The following AFF2 variants were observed in gnomAD, a reference collection of about 807,000 sequenced individuals.
AFF2 encodes ALF transcription elongation factor 2.
A neutral mutation model predicts 76.9 loss-of-function variants in AFF2; 14 were observed. The ratio of observed to expected loss-of-function variants is 0.18; its 90% CI spans 0.12 to 0.28. The LOEUF (loss-of-function observed/expected upper bound fraction) is 0.28, where lower values mean the gene tolerates loss of function less well. AFF2 is among the 10% of genes least tolerant of loss of function. The pLI, the probability that AFF2 is intolerant of heterozygous loss-of-function variation, is 1.00. For synonymous variants in AFF2, 398 were observed against 366.7 expected (o/e 1.09, Z -0.98); for missense variants, 868 against 1,001.1 (o/e 0.87, Z 1.79).
intron 15 of AFF2, 39 bp downstream of exon 15, chrX:148,967,731 G>A (rs781877327): frequency 7.8e-6 from 9 of 1,150,677 alleles, no homozygotes; most frequent in Non-Finnish European, 1.1e-5. Flanking sequence ...TCCTATTAAG[G>A]ATTTATGTTT....
chrX:148,937,335 A>G (rs781812313), intron 9 of AFF2, among the ~76,000 whole-genome samples: 1 of 112,186 alleles, frequency 8.9e-6, no homozygotes, highest in East Asian at 2.8e-4. Context: ...AGAAGAGTTG[A>G]TTCATTTTTC....
intron 8 of AFF2, among the ~76,000 whole-genome samples, chrX:148,891,085 GC>G (rs781905263): frequency 2.7e-5 from 3 of 111,681 alleles, no homozygotes; most frequent in Non-Finnish European, 5.6e-5. Context: ...ATAAAATCCA[GC>G]CCTGGCCTTC....
At chrX:148,763,512 A>G (rs1557267472) in intron 3 of AFF2, among the ~76,000 whole-genome samples, 1 of 109,925 alleles carries the variant, frequency 9.1e-6, no homozygotes, top group Non-Finnish European at 1.9e-5. Flanking sequence ...TGGCATGGTG[A>G]CTCTAGTTAT....
intron 3 of AFF2, among the ~76,000 whole-genome samples, chrX:148,673,706 G>A (rs2054449559): frequency 8.9e-6 from 1 of 111,882 alleles, no homozygotes. Context: ...AATAGAGGGA[G>A]TCTATGCTGT....
rs1469019793 is a variant in AFF2, at chrX:148,777,305, G to T, written c.1042-32571G>T. Among the ~76,000 whole-genome samples, 3 of 111,826 alleles carry T rather than the reference G, an allele frequency of 2.7e-5. No homozygotes were observed. The East Asian group carries it at 8.4e-4, about 31-fold the overall frequency. On this transcript the variant is annotated intron_variant, in intron 3 of 20. Transcript: ENST00000370460. ...CAGGTAGTGTGATGCCTCCAGCTTTGTTCCTTTTGCTTAGGATTGTCTTGG... is the reference window on the plus strand; with the variant it reads ...CAGGTAGTGTGATGCCTCCAGCTTTTTTCCTTTTGCTTAGGATTGTCTTGG...
intron 3 of AFF2, among the ~76,000 whole-genome samples, chrX:148,740,816 C>A (rs2055341713): frequency 8.9e-6 from 1 of 111,884 alleles, no homozygotes; most frequent in Admixed American, 9.5e-5. Flanking sequence ...GGCTATTGTT[C>A]AGATTCTTTT....
chrX:148,578,451 A>G (rs2053316508), intron 1 of AFF2, among the ~76,000 whole-genome samples: 1 of 111,669 alleles, frequency 9.0e-6, no homozygotes, highest in Admixed American at 9.6e-5. Context: ...AGACCATGGC[A>G]TGACACTAAT....
intron 1 of AFF2, among the ~76,000 whole-genome samples, chrX:148,517,813 C>T (rs1016977765): frequency 1.9e-5 from 2 of 108,092 alleles, no homozygotes; most frequent in African/African-American, 3.4e-5. Flanking sequence ...GTCAGGAGAT[C>T]GAGACCATCC....
chrX:148,646,314 C>G (rs1180207976), intron 1 of AFF2, among the ~76,000 whole-genome samples: 29 of 111,536 alleles, frequency 2.6e-4, no homozygotes, highest in Non-Finnish European at 1.9e-5. Context: ...ATATCTCAAT[C>G]AAGCTGTTAT....
intron 3 of AFF2, among the ~76,000 whole-genome samples, chrX:148,802,248 C>T (rs149423804): frequency 7.4e-4 from 83 of 111,752 alleles, no homozygotes; most frequent in African/African-American, 2.5e-3. Context: ...ATCGCATAAC[C>T]CGGTGACCAG....
At chrX:148,518,636 G>A (rs2052563752) in intron 1 of AFF2, among the ~76,000 whole-genome samples, 1 of 111,841 alleles carries the variant, frequency 8.9e-6, no homozygotes, top group South Asian at 3.7e-4. Context: ...AGCAAAGACT[G>A]GATGACCCTT....
chrX:148,520,653 A>G (rs1557234362), intron 1 of AFF2, among the ~76,000 whole-genome samples: 2 of 112,647 alleles, frequency 1.8e-5, no homozygotes, highest in Non-Finnish European at 3.7e-5. Flanking sequence ...AACTCTGTAG[A>G]AGAAAGGCCT....
intron 7 of AFF2, among the ~76,000 whole-genome samples, chrX:148,867,864 G>A (rs1041967756): frequency 9.0e-6 from 1 of 111,072 alleles, no homozygotes; most frequent in East Asian, 2.9e-4. Context: ...TAGAACACAG[G>A]TCCACACAAT....
intron 3 of AFF2, among the ~76,000 whole-genome samples, chrX:148,802,967 A>G (rs933018932): frequency 1.8e-5 from 2 of 111,441 alleles, no homozygotes; most frequent in African/African-American, 6.5e-5. Context: ...TTTTATTATG[A>G]GAGATTATTA....
At chrX:148,923,785 C>A (rs1252497542) in intron 9 of AFF2, among the ~76,000 whole-genome samples, 1 of 111,610 alleles carries the variant, frequency 9.0e-6, no homozygotes, top group Non-Finnish European at 1.9e-5. Context: ...CACAGTGTAC[C>A]AAATATTCCC....
Position 148,818,790 on chromosome X carries a change from T to A in AFF2, c.1086+8870T>A, listed in dbSNP as rs782447840. On this transcript the variant is annotated intron_variant, in intron 4 of 20. Transcript: ENST00000370460. ...TCAAGGCTCCAGGTGATATTGAAGA[T>A]ATTATATTTATACAGGTTTCAATCT... Among the ~76,000 whole-genome samples the A allele has an allele frequency of 3.6e-5, 4 of 110,751 alleles. No individual in the cohort carries two copies. The Admixed American group carries it at 3.9e-4, about 11-fold the overall frequency.
chrX:148,810,710 C>G (rs1215807882), intron 4 of AFF2, among the ~76,000 whole-genome samples: 2 of 111,919 alleles, frequency 1.8e-5, no homozygotes, highest in African/African-American at 3.2e-5. Flanking sequence ...AATACCTGCC[C>G]TAACTCCCTT....
intron 9 of AFF2, among the ~76,000 whole-genome samples, chrX:148,923,193 A>G (rs1260464604): frequency 6.3e-5 from 7 of 111,845 alleles, no homozygotes; most frequent in African/African-American, 2.0e-4. Context: ...CAATAATGTC[A>G]TTCACATACC....
intron 1 of AFF2, among the ~76,000 whole-genome samples, chrX:148,514,508 T>C (rs888003986): frequency 6.2e-5 from 7 of 112,711 alleles, no homozygotes; most frequent in African/African-American, 2.3e-4. Flanking sequence ...TCAAAGGACT[T>C]CTAGCAGTGA....
Sources: gnomAD v4.1 joint callset for allele counts (sites outside exome capture counted in the v4.1 genomes callset) on GRCh38, gnomAD v4.1.1 for gene constraint, MANE v1.5 for transcripts, NCBI Gene and HGNC (gene_info 2026-07-23, HGNC 2026-07-21) for gene names.